The following CLCN1 variants were observed in gnomAD, a reference collection of about 807,000 sequenced individuals.
CLCN1 encodes the protein chloride voltage-gated channel 1.
A neutral mutation model predicts 114.5 loss-of-function variants in CLCN1; 100 were observed. The observed-to-expected ratio is 0.87, with a 90% confidence interval of 0.74 to 1.03. CLCN1 has a LOEUF of 1.03. Among genes scored for constraint, CLCN1 ranks in the 50% least tolerant of loss-of-function variants. The probability of loss-of-function intolerance (pLI) is 0.00; values close to 1 mark genes in which losing one functional copy is unlikely to be tolerated. For synonymous variants in CLCN1, 485 were observed against 487.1 expected (o/e 1.00, Z 0.06); for missense variants, 1,188 against 1,250.0 (o/e 0.95, Z 0.75).
chr7:143,322,863 G>T lies in CLCN1; in HGVS notation c.697-446G>T, dbSNP rs113583492. Among the ~76,000 whole-genome samples, 1,164 of 152,326 alleles carry T rather than the reference G, an allele frequency of 7.6e-3. 19 individuals are homozygous for T. The highest frequency in any genetic ancestry group is 0.026 in the African/African-American group (1,085 of 41,576). Reference sequence around the variant, plus strand: ...GTGGCCTTCGAGACCGTGGACTCTGGTTCCTCCTCTCTGCAGGCCTGTGCC... The same window carrying T: ...GTGGCCTTCGAGACCGTGGACTCTGTTTCCTCCTCTCTGCAGGCCTGTGCC... On this transcript the variant is annotated intron_variant, in intron 5 of 22. Transcript: ENST00000343257.
intron 20 of CLCN1, among the ~76,000 whole-genome samples, chr7:143,347,778 T>C (rs1803296290): frequency 6.6e-6 from 1 of 152,060 alleles, no homozygotes; most frequent in Admixed American, 6.5e-5. Flanking sequence ...ATGACCACGG[T>C]GCCTCCTGGG....
At chr7:143,326,506 A>ATC (rs1802580188) in intron 7 of CLCN1, among the ~76,000 whole-genome samples, 1 of 152,092 alleles carries the variant, frequency 6.6e-6, no homozygotes, top group Admixed American at 6.6e-5. Flanking sequence ...AGGCAAACCT[A>ATC]TTGTCATAGC....
At position 143,345,535 on chromosome 7, in the gene CLCN1, C is replaced by T; in HGVS notation, c.1945C>T (p.Leu649=). The change falls in exon 17 of 23, where the codon CTG becomes TTG. Residue 649 remains leucine (L), a synonymous_variant. Coordinates refer to ENST00000343257, the MANE Select transcript of CLCN1 (RefSeq NM_000083.3). ...LVDSKDSMIL[L]GSVERSELQA... is the part of the protein sequence containing the mutation. ...GTTTCCCTCAGATTCAATGATCCTG[C>T]TGGGCTCGGTGGAGCGGTCGGAACT... 1 of 1,539,494 alleles carries T rather than the reference C, an allele frequency of 6.5e-7. No homozygotes were observed. The highest frequency in any genetic ancestry group is 8.8e-7 in the Non-Finnish European group (1 of 1,138,846).
chr7:143,346,058 A>T, intron 17 of CLCN1, 82 bp from the exon 18 acceptor site: 1 of 1,000,620 alleles, frequency 1.0e-6, no homozygotes, highest in Non-Finnish European at 1.6e-6. Context: ...TCGCTTTCCC[A>T]GAACATCCAC....
At chr7:143,343,689 GT>G (rs778392458) in intron 16 of CLCN1, among the ~76,000 whole-genome samples, 35 of 145,176 alleles carry the variant, frequency 2.4e-4, no homozygotes, top group Non-Finnish European at 4.5e-4. Flanking sequence ...AGTTGGAACT[GT>G]TTTCTTTCTT....
chr7:143,332,332 TA>T, intron 10 of CLCN1, 86 bp from the exon 11 acceptor site: 1 of 981,818 alleles, frequency 1.0e-6, no homozygotes, highest in Non-Finnish European at 1.7e-6. Flanking sequence ...TACGGTGGAC[TA>T]AAGGAAACTT....
At chr7:143,346,776 A>T in intron 19 of CLCN1, 118 bp downstream of exon 19, 1 of 1,195,520 alleles carries the variant, frequency 8.4e-7, no homozygotes, top group Non-Finnish European at 1.2e-6. Context: ...GAGTTTAATC[A>T]TATGGAAGGG....
At chr7:143,347,969 G>A (rs1323055418) in intron 20 of CLCN1, among the ~76,000 whole-genome samples, 4 of 152,098 alleles carry the variant, frequency 2.6e-5, no homozygotes, top group African/African-American at 9.7e-5. Context: ...AAATCCATTG[G>A]CAACTATTCC....
chr7:143,323,579 C>T lies in CLCN1; in HGVS notation c.774+193C>T, dbSNP rs780911735. The T allele has an allele frequency of 8.6e-6, 6 of 698,392 alleles. No homozygotes were observed. In the Admixed American group the frequency reaches 1.0e-4, roughly 12 times the overall value. 43.3% of individuals were successfully genotyped at this position (698,392 alleles called of 1,614,324 possible). A position where few individuals can be genotyped will look rare whatever the true frequency, so the allele number is the denominator to read the frequency against. ...ACGTGATGCCTCTGTTTAGCCTGTGCCTGTCCTCCAAATGTCCACCCCTCT... is the reference window on the plus strand; with the variant it reads ...ACGTGATGCCTCTGTTTAGCCTGTGTCTGTCCTCCAAATGTCCACCCCTCT... On this transcript the variant is annotated intron_variant, in intron 6 of 22. Coordinates refer to ENST00000343257, the MANE Select transcript of CLCN1 (RefSeq NM_000083.3).
chr7:143,317,980 A>C (rs1233260903), intron 1 of CLCN1, among the ~76,000 whole-genome samples: 1 of 152,120 alleles, frequency 6.6e-6, no homozygotes, highest in East Asian at 1.9e-4. Flanking sequence ...TTGGGAAGCT[A>C]TGGTTAGTTT....
In CLCN1 at chr7:143,350,579, G is replaced by C. The variant is rs1394568433; in HGVS notation, c.2520G>C (p.Leu840=). Residue 840 remains leucine (L), a synonymous_variant, in exon 22 of 23, where the codon CTG becomes CTC. Transcript: ENST00000343257. This position sits in a 1 kb window ranked among gnomAD's most constrained non-coding sequence, Gnocchi z 5.1. ...CTCTTCATCCTCAGACTCATACCCTGTTTTCACTCCTTGGCCTCCACCTCG... is the reference window on the plus strand; with the variant it reads ...CTCTTCATCCTCAGACTCATACCCTCTTTTCACTCCTTGGCCTCCACCTCG... The part of the protein sequence containing the change: ...EQTTLHKTHT[L]FSLLGLHLAY... 1 of 1,614,132 alleles carries C rather than the reference G, an allele frequency of 6.2e-7. No homozygotes were observed. Among genetic ancestry groups the C allele is most frequent in the Non-Finnish European group, 8.5e-7 (1 of 1,180,022 alleles).
Position 143,324,370 on chromosome 7 carries a change from T to C in CLCN1, c.775-44T>C. 1 of 1,450,560 alleles carries C rather than the reference T, an allele frequency of 6.9e-7. No homozygotes were observed. The highest frequency in any genetic ancestry group is 9.7e-7 in the Non-Finnish European group (1 of 1,031,570). 89.9% of individuals were successfully genotyped at this position (1,450,560 alleles called of 1,614,324 possible). A position where few individuals can be genotyped will look rare whatever the true frequency, so the allele number is the denominator to read the frequency against. ...TTGTTCTGTCCTCTGCCTGCCCACC[T>C]CCCTCTCTTCCACCTGTTTCTCTGT... On this transcript the variant is annotated intron_variant, in intron 6 of 22. Coordinates refer to ENST00000343257, the MANE Select transcript of CLCN1 (RefSeq NM_000083.3). The surrounding 1 kb of genome is among the most constrained non-coding windows in gnomAD (Gnocchi z 4.6).
intron 7 of CLCN1, among the ~76,000 whole-genome samples, chr7:143,328,501 C>T (rs540145994): frequency 5.9e-5 from 9 of 152,276 alleles, no homozygotes; most frequent in South Asian, 2.1e-4. Flanking sequence ...GCTCTCATTC[C>T]GGAGCATACA....
At position 143,339,588 on chromosome 7, in the gene CLCN1, T is replaced by G; in HGVS notation, c.1549T>G (p.Tyr517Asp). 6.2e-7 allele frequency: 1 copy of G among 1,612,616 alleles called. No homozygotes were observed. The highest frequency in any genetic ancestry group is 8.5e-7 in the Non-Finnish European group (1 of 1,178,596). ...TGGTATTTTGTTTGATGACATCATCTACAAGATCCTACCTGGGGGCTATGC... is the reference window on the plus strand; with the variant it reads ...TGGTATTTTGTTTGATGACATCATCGACAAGATCCTACCTGGGGGCTATGC... Reference protein sequence around the residue: ...PDGILFDDIIYKILPGGYAVI... With the variant: ...PDGILFDDIIDKILPGGYAVI... The change falls in exon 14 of 23, where the codon TAC becomes GAC. Residue 517 changes from tyrosine (Y) to aspartate (D), a missense_variant. Physicochemically the swap from Tyr to Asp is radical, Grantham distance 160. Transcript: ENST00000343257. This position sits in a 1 kb window ranked among gnomAD's most constrained non-coding sequence, Gnocchi z 4.1.
At chr7:143,336,069 A>G in intron 12 of CLCN1, among the ~76,000 whole-genome samples, 1 of 152,220 alleles carries the variant, frequency 6.6e-6, no homozygotes, top group South Asian at 2.1e-4. Context: ...TACAATGAGT[A>G]TGAATACCAT....
chr7:143,316,200 G>C lies in CLCN1; in HGVS notation c.-13G>C. The C allele has an allele frequency of 6.2e-7, 1 of 1,607,540 alleles. No individual in the cohort carries two copies. The highest frequency in any genetic ancestry group is 1.1e-5 in the South Asian group (1 of 90,996). ...GCAGGCCAAGGCCTGGCCGGGGCTCGGGGGGAGGGAATATGGAGCAATCCC... is the reference window on the plus strand; with the variant it reads ...GCAGGCCAAGGCCTGGCCGGGGCTCCGGGGGAGGGAATATGGAGCAATCCC... On this transcript the variant is annotated 5_prime_UTR_variant, in exon 1 of 23. Transcript: ENST00000343257.
chr7:143,337,701 T>C (rs1802944419), intron 12 of CLCN1, among the ~76,000 whole-genome samples: 1 of 152,016 alleles, frequency 6.6e-6, no homozygotes, highest in South Asian at 2.1e-4. Context: ...GGAAGGGATA[T>C]ATAAACCTGT....
At chr7:143,320,425 G>A (rs1032015950) in intron 2 of CLCN1, among the ~76,000 whole-genome samples, 8 of 152,078 alleles carry the variant, frequency 5.3e-5, no homozygotes, top group Non-Finnish European at 1.0e-4. Flanking sequence ...TGCAGGGGCC[G>A]GAGCAGCAAT....
chr7:143,339,169 AAGG>A lies in CLCN1; in HGVS notation c.1402-79_1402-77del, dbSNP rs1803006866. ...TCAGCTATCCCAGGATTTCTGCAGA[AAGG>A]AGGATAGTGGGAAGGGAATTGTGTG... is the stretch of plus-strand genomic sequence containing the variant. On this transcript the variant is annotated intron_variant, in intron 12 of 22. Transcript: ENST00000343257. This position sits in a 1 kb window ranked among gnomAD's most constrained non-coding sequence, Gnocchi z 4.1. 3 of 915,430 alleles carry A rather than the reference AAGG, an allele frequency of 3.3e-6. No homozygotes were observed. The highest frequency in any genetic ancestry group is 1.7e-5 in the Admixed American group (1 of 59,104). The allele number at this position is 915,430 out of a possible 1,614,324, so 56.7% of individuals were successfully genotyped here.
Sources: gnomAD v4.1 joint callset for allele counts (sites outside exome capture counted in the v4.1 genomes callset) on GRCh38, gnomAD v4.1.1 for gene constraint, Gnocchi (gnomAD v3.1) non-coding constraint, MANE v1.5 for transcripts, NCBI Gene and HGNC (gene_info 2026-07-23, HGNC 2026-07-21) for gene names.